The following CLTCL1 variants were observed in gnomAD, a reference collection of about 807,000 sequenced individuals.
CLTCL1 encodes clathrin heavy chain 2.
In CLTCL1, 159 loss-of-function variants were observed where a neutral mutation model predicts 190.0. The ratio of observed to expected loss-of-function variants is 0.84; its 90% CI spans 0.74 to 0.95. The LOEUF is 0.95. CLTCL1 is among the 40% of genes least tolerant of loss of function. The pLI, the probability that CLTCL1 is intolerant of heterozygous loss-of-function variation, is 0.00. For synonymous variants in CLTCL1, 752 were observed against 769.6 expected (o/e 0.98, Z 0.38); for missense variants, 1,878 against 2,033.4 (o/e 0.92, Z 1.47).
rs186325933 is a variant in CLTCL1 at position 19,252,906 on chromosome 22, G to C, written c.519+1053C>G. ...GTGGGCGCCTGTAGTCCCAGCTACTGGGGAGGCTGAGGCAGGAGAATGGCA... is the reference window on the plus strand; with the variant it reads ...GTGGGCGCCTGTAGTCCCAGCTACTCGGGAGGCTGAGGCAGGAGAATGGCA... On this transcript the variant is annotated intron_variant, in intron 3 of 32. Coordinates refer to ENST00000427926, the MANE Select transcript of CLTCL1 (RefSeq NM_007098.4). Among the ~76,000 whole-genome samples, 9 of 151,706 alleles carry C rather than the reference G, an allele frequency of 5.9e-5. No individual in the cohort carries two copies. The East Asian group carries it at 1.2e-3, about 20-fold the overall frequency.
rs782264668 is a variant in CLTCL1, at chr22:19,254,119, G to A, written c.359C>T (p.Ala120Val). Reference sequence around the variant, plus strand: ...GTAGACCGCGGTCTCGGTCACCAAGGCAACAGTGTTCACAGAAACCCATTT... The same window carrying A: ...GTAGACCGCGGTCTCGGTCACCAAGACAACAGTGTTCACAGAAACCCATTT... Reference protein sequence around the residue: ...FWKWVSVNTVALVTETAVYHW... With the variant: ...FWKWVSVNTVVLVTETAVYHW... The change falls in exon 3 of 33, where the codon GCC becomes GTC. Residue 120 changes from alanine (A) to valine (V), a missense_variant. Physicochemically the swap from Ala to Val is moderately conservative, Grantham distance 64. Transcript: ENST00000427926. 4.0e-5 allele frequency: 64 copies of A among 1,613,374 alleles called. No individual in the cohort carries two copies. Among genetic ancestry groups the A allele is most frequent in the Non-Finnish European group, 5.0e-5 (59 of 1,179,668 alleles).
At chr22:19,224,240 T>C (rs1207763850) in intron 13 of CLTCL1, among the ~76,000 whole-genome samples, 186 bp from the exon 14 acceptor site, 1 of 151,914 alleles carries the variant, frequency 6.6e-6, no homozygotes, top group Non-Finnish European at 1.5e-5. Flanking sequence ...GGATTTCCAT[T>C]ATATTTGGCA....
At chr22:19,203,522 A>T (rs1555941087) in intron 22 of CLTCL1, among the ~76,000 whole-genome samples, 1 of 152,080 alleles carries the variant, frequency 6.6e-6, no homozygotes, top group Non-Finnish European at 1.5e-5. Context: ...CTGCTCCTCC[A>T]GACAGACGCA....
At chr22:19,264,562 G>GA (rs1358669237) in intron 2 of CLTCL1, among the ~76,000 whole-genome samples, 3 of 151,988 alleles carry the variant, frequency 2.0e-5, no homozygotes, top group African/African-American at 4.8e-5. Context: ...TACACAGCTA[G>GA]AAAAAAAGAG....
chr22:19,257,790 C>CACCTGGCCTCCT (rs1432383089), intron 2 of CLTCL1: 5 of 1,426,576 alleles, frequency 3.5e-6, no homozygotes, highest in Non-Finnish European at 4.7e-6. Flanking sequence ...CCTGAACGAC[C>CACCTGGCCTCCT]ACCTGGCCTC....
At chr22:19,186,481 C>CA (rs782564503) in intron 29 of CLTCL1, among the ~76,000 whole-genome samples, 4 of 152,186 alleles carry the variant, frequency 2.6e-5, no homozygotes, top group Non-Finnish European at 5.9e-5. Flanking sequence ...AGAAAAAACA[C>CA]AGTTTCTTTT....
chr22:19,214,523 G>T (rs188763275), intron 19 of CLTCL1, among the ~76,000 whole-genome samples: 128 of 152,114 alleles, frequency 8.4e-4, no homozygotes, highest in African/African-American at 3.0e-3. Flanking sequence ...CTTCTCATTT[G>T]TCCATCTTCT....
intron 1 of CLTCL1, among the ~76,000 whole-genome samples, chr22:19,291,117 G>A (rs534164358): frequency 8.5e-4 from 130 of 152,324 alleles, no homozygotes; most frequent in Non-Finnish European, 5.6e-4. Flanking sequence ...CCCTATTTAG[G>A]CTTGGCCCTG....
In CLTCL1 at chr22:19,223,879, A is replaced by G. The variant is rs1555954004; in HGVS notation, c.2292+12T>C. The G allele has an allele frequency of 2.5e-6, 4 of 1,613,072 alleles. No individual in the cohort carries two copies. Among genetic ancestry groups the G allele is most frequent in the Non-Finnish European group, 3.4e-6 (4 of 1,179,838 alleles). ...AGGGCAGCTCATGGAAGGAGGCAGC[A>G]CTGGAACACACCTTCAGGAAGTTCT... On this transcript the variant is annotated intron_variant, in intron 14 of 32. Coordinates refer to ENST00000427926, the MANE Select transcript of CLTCL1 (RefSeq NM_007098.4).
chr22:19,254,674 G>C (rs1435575093), intron 2 of CLTCL1, among the ~76,000 whole-genome samples: 1 of 152,100 alleles, frequency 6.6e-6, no homozygotes, highest in Non-Finnish European at 1.5e-5. Context: ...TTAAATTCTA[G>C]ACCAATGCTG....
intron 11 of CLTCL1, among the ~76,000 whole-genome samples, chr22:19,227,326 C>T (rs1382811821): frequency 1.4e-5 from 2 of 144,082 alleles, no homozygotes; most frequent in Non-Finnish European, 3.0e-5. Context: ...GTTGCCCAGG[C>T]GAATGGAGTG....
At chr22:19,257,282 C>G (rs2086791918) in intron 2 of CLTCL1, among the ~76,000 whole-genome samples, 1 of 152,096 alleles carries the variant, frequency 6.6e-6, no homozygotes, top group African/African-American at 2.4e-5. Context: ...AAAAATGAAC[C>G]TTCACATATA....
Position 19,179,906 on chromosome 22 carries a change from G to T in CLTCL1, c.*84C>A. ...CGCGGAAGTTGTACATTGGAGGCTG[G>T]CGAAGTTGGGAGCAGAGGCATATCC... On this transcript the variant is annotated 3_prime_UTR_variant, in exon 33 of 33. Coordinates refer to ENST00000427926, the MANE Select transcript of CLTCL1 (RefSeq NM_007098.4). The T allele has an allele frequency of 2.2e-6, 1 of 458,610 alleles. No homozygotes were observed. Among genetic ancestry groups the T allele is most frequent in the South Asian group, 2.8e-5 (1 of 35,968 alleles). The allele number at this position is 458,610 out of a possible 1,614,324, so 28.4% of individuals were successfully genotyped here. A position where few individuals can be genotyped will look rare whatever the true frequency, so the allele number is the denominator to read the frequency against.
Position 19,187,690 on chromosome 22 carries a change from G to C in CLTCL1, c.4473C>G (p.Asp1491Glu). Reference protein sequence around the residue: ...RASIDAYDNFDNISLAQQLEK... With the variant: ...RASIDAYDNFENISLAQQLEK... Reference sequence around the variant, plus strand: ...CCAGCTGCTGAGCCAGGCTGATGTTGTCAAAGTTGTCATAGGCATCGATAG... The same window carrying C: ...CCAGCTGCTGAGCCAGGCTGATGTTCTCAAAGTTGTCATAGGCATCGATAG... The change falls in exon 29 of 33, where the codon GAC (aspartate) becomes GAG (glutamate). Residue 1491 changes from aspartate (D) to glutamate (E), a missense_variant. Transcript: ENST00000427926. The C allele has an allele frequency of 6.2e-7, 1 of 1,613,842 alleles. No homozygotes were observed. The highest frequency in any genetic ancestry group is 1.3e-5 in the African/African-American group (1 of 75,048).
rs34889146 is a variant in CLTCL1, at chr22:19,234,620, G to A, written c.1056C>T (p.Ala352=). 4.1e-4 allele frequency: 655 copies of A among 1,613,966 alleles called. 3 individuals are homozygous for A. The African/African-American group carries it at 7.7e-3, about 19-fold the overall frequency. ...CTGCCCCAGCCAGGTTACTACGAAC[G>A]GCCAAACGCAGACCAAGGTCTGGAT... ...LQNPDLGLRL[A]VRSNLAGAEK... The change falls in exon 7 of 33, where the codon GCC becomes GCT. Residue 352 remains alanine (A), a synonymous_variant. Coordinates refer to ENST00000427926, the MANE Select transcript of CLTCL1 (RefSeq NM_007098.4).
chr22:19,240,791 C>A (rs1343742081), intron 4 of CLTCL1, among the ~76,000 whole-genome samples: 1 of 152,172 alleles, frequency 6.6e-6, no homozygotes. Flanking sequence ...TGGGGCTTGA[C>A]TGCTATGGGT....
chr22:19,184,409 T>C (rs1219764721), intron 29 of CLTCL1: 1 of 452,784 alleles, frequency 2.2e-6, no homozygotes, highest in African/African-American at 2.0e-5. Context: ...TGAGTTCCGT[T>C]TGGGAGACCC....
At chr22:19,290,745 CAA>C (rs1336094693) in intron 1 of CLTCL1, among the ~76,000 whole-genome samples, 10 of 152,180 alleles carry the variant, frequency 6.6e-5, no homozygotes, top group African/African-American at 2.2e-4. Flanking sequence ...ACTTTGTGGT[CAA>C]AAAGACTTGA....
chr22:19,208,985 A>G lies in CLTCL1; in HGVS notation c.3379T>C (p.Ser1127Pro), dbSNP rs1485885831. 7 of 1,611,998 alleles carry G rather than the reference A, an allele frequency of 4.3e-6. No homozygotes were observed. The highest frequency in any genetic ancestry group is 5.9e-6 in the Non-Finnish European group (7 of 1,179,204). The change falls in exon 21 of 33, where the codon TCC becomes CCC. Residue 1127 changes from serine (S) to proline (P), a missense_variant. Transcript: ENST00000427926. Reference protein sequence around the residue: ...QKDLVKEAINSYIRGDDPSSY... With the variant: ...QKDLVKEAINPYIRGDDPSSY... ...GAAGGGTCGTCCCCTCTGATATAGG[A>G]GTTGATGGCTTCCTTCACCAAATCT...
Sources: gnomAD v4.1 joint callset for allele counts (sites outside exome capture counted in the v4.1 genomes callset) on GRCh38, gnomAD v4.1.1 for gene constraint, MANE v1.5 for transcripts, NCBI Gene and HGNC (gene_info 2026-07-23, HGNC 2026-07-21) for gene names.